Variants in DCAF8L2 observed in about 807,000 individuals in gnomAD.
DCAF8L2 encodes DDB1- and CUL4-associated factor 8-like protein 2.
For synonymous variants in DCAF8L2, 200 were observed against 190.9 expected, an observed-to-expected ratio of 1.05 and a Z score of -0.39; for missense variants, 430 against 490.7, an observed-to-expected ratio of 0.88 and a Z score of 1.17.
At chrX:27,724,422 C>G (rs1186950791) in intron 4 of DCAF8L2, among the ~76,000 whole-genome samples, 1 of 110,642 alleles carries the variant, frequency 9.0e-6, no homozygotes, top group African/African-American at 3.3e-5. Flanking sequence ...CGTGGGGGAA[C>G]AGTATCCCTT....
intron 4 of DCAF8L2, among the ~76,000 whole-genome samples, chrX:27,722,731 G>A (rs1021897750): frequency 9.1e-6 from 1 of 110,428 alleles, no homozygotes; most frequent in Non-Finnish European, 1.9e-5. Context: ...AAAAGCAGGA[G>A]GATAACAAAA....
chrX:27,659,066 C>T (rs1929460770), intron 2 of DCAF8L2, among the ~76,000 whole-genome samples: 1 of 111,316 alleles, frequency 9.0e-6, no homozygotes, highest in African/African-American at 3.3e-5. Context: ...TCAAATGTAC[C>T]CCTGAGAGGC....
chrX:27,703,668 G>C (rs1024162769), intron 3 of DCAF8L2, among the ~76,000 whole-genome samples: 3 of 110,828 alleles, frequency 2.7e-5, no homozygotes, highest in Admixed American at 9.7e-5. Flanking sequence ...ATATCCACAT[G>C]CAAAAGAATG....
chrX:27,571,484 C>T, the DCAF8L2 span, among the ~76,000 whole-genome samples: 1 of 111,629 alleles, frequency 9.0e-6, no homozygotes, highest in African/African-American at 3.3e-5. Context: ...TCTGGCATTG[C>T]GAATGGTTCT....
chrX:27,480,662 T>C, the DCAF8L2 span, among the ~76,000 whole-genome samples: 1 of 111,793 alleles, frequency 8.9e-6, no homozygotes, highest in Admixed American at 9.5e-5. Context: ...CCCTAGACTT[T>C]ATTCTAGGTC....
rs182520518 is a variant in DCAF8L2 at position 27,602,161 on chromosome X, G to C, written c.-342+11721G>C. Among the ~76,000 whole-genome samples, 506 of 110,752 alleles carry C rather than the reference G, an allele frequency of 4.6e-3. 1 individual carries two copies. The highest frequency in any genetic ancestry group is 0.015 in the African/African-American group (470 of 30,446). On this transcript the variant is annotated intron_variant, in intron 1 of 4. Transcript: ENST00000451261. ...AGCAATTCTCCTGCCTCAGCCTCCCGAGTAGCTGGGATTACAGGCATGCAC... is the reference window on the plus strand; with the variant it reads ...AGCAATTCTCCTGCCTCAGCCTCCCCAGTAGCTGGGATTACAGGCATGCAC...
intron 2 of DCAF8L2, among the ~76,000 whole-genome samples, chrX:27,661,551 T>G (rs1929559139): frequency 8.9e-6 from 1 of 112,054 alleles, no homozygotes; most frequent in African/African-American, 3.2e-5. Flanking sequence ...ATGTTCCTGA[T>G]ATTATGCTAT....
chrX:27,643,794 C>T (rs1928833873), intron 2 of DCAF8L2, among the ~76,000 whole-genome samples: 2 of 111,543 alleles, frequency 1.8e-5, no homozygotes, highest in Admixed American at 1.9e-4. Flanking sequence ...TCATACAATA[C>T]CTAATATGTG....
At chrX:27,475,321 A>G in the DCAF8L2 span, among the ~76,000 whole-genome samples, 1 of 112,188 alleles carries the variant, frequency 8.9e-6, no homozygotes, top group East Asian at 2.8e-4. Flanking sequence ...TTAGTTACTA[A>G]TTCACTTTTC....
At chrX:27,723,360 GA>G (rs990963776) in intron 4 of DCAF8L2, among the ~76,000 whole-genome samples, 34 of 109,316 alleles carry the variant, frequency 3.1e-4, no homozygotes, top group Admixed American at 1.6e-3. Flanking sequence ...TTAATGAATA[GA>G]AAAAAAACTC....
At chrX:27,470,997 A>G in the DCAF8L2 span, among the ~76,000 whole-genome samples, 1 of 111,435 alleles carries the variant, frequency 9.0e-6, no homozygotes, top group Admixed American at 9.6e-5. Context: ...GATGTCATTA[A>G]CACCACATTC....
chrX:27,551,375 A>G, the DCAF8L2 span, among the ~76,000 whole-genome samples: 3 of 111,020 alleles, frequency 2.7e-5, no homozygotes, highest in Non-Finnish European at 5.6e-5. Context: ...TGAGAAGATC[A>G]TTATCATTTT....
chrX:27,483,953 GAGTGTAT>G, the DCAF8L2 span, among the ~76,000 whole-genome samples: 1 of 111,541 alleles, frequency 9.0e-6, no homozygotes, highest in African/African-American at 3.2e-5. Flanking sequence ...GACTTTAAAT[GAGTGTAT>G]AGGAAAATTC....
At chrX:27,475,760 A>C in the DCAF8L2 span, among the ~76,000 whole-genome samples, 1 of 112,546 alleles carries the variant, frequency 8.9e-6, no homozygotes, top group Non-Finnish European at 1.9e-5. Context: ...TAATTGCAGT[A>C]GTGTTTAAAT....
At chrX:27,535,157 G>T in the DCAF8L2 span, among the ~76,000 whole-genome samples, 33 of 111,390 alleles carry the variant, frequency 3.0e-4, no homozygotes, top group African/African-American at 1.0e-3. Flanking sequence ...TATGTAGCTC[G>T]GTCTTTTTTC....
At chrX:27,644,572 A>G (rs916660423) in intron 2 of DCAF8L2, among the ~76,000 whole-genome samples, 2 of 111,021 alleles carry the variant, frequency 1.8e-5, no homozygotes, top group African/African-American at 6.6e-5. Flanking sequence ...ATTTAATTAC[A>G]TAGCTCAGCT....
chrX:27,686,646 C>A (rs1008492182), intron 3 of DCAF8L2, among the ~76,000 whole-genome samples: 1 of 111,308 alleles, frequency 9.0e-6, no homozygotes, highest in Non-Finnish European at 1.9e-5. Context: ...GGAATATATT[C>A]TAGTGTTCAA....
At chrX:27,492,744 G>A in the DCAF8L2 span, among the ~76,000 whole-genome samples, 1,047 of 111,669 alleles carry the variant, frequency 9.4e-3, 16 homozygotes, top group African/African-American at 0.032. Context: ...GCCTCCCAAA[G>A]TACTGGGATT....
chrX:27,532,950 G>T, the DCAF8L2 span, among the ~76,000 whole-genome samples: 1 of 102,671 alleles, frequency 9.7e-6, no homozygotes, highest in South Asian at 4.7e-4. Context: ...GGTGGCACGT[G>T]CCTGTAATTG....
Sources: gnomAD v4.1 joint callset for allele counts (sites outside exome capture counted in the v4.1 genomes callset) on GRCh38, gnomAD v4.1.1 for gene constraint, MANE v1.5 for transcripts, NCBI Gene and HGNC (gene_info 2026-07-23, HGNC 2026-07-21) for gene names.